The following AOPEP variants were observed in gnomAD, a reference collection of about 807,000 sequenced individuals.
AOPEP encodes aminopeptidase O.
In AOPEP, 77 loss-of-function variants were observed where a neutral mutation model predicts 98.1. The ratio of observed to expected loss-of-function variants is 0.78; its 90% CI spans 0.65 to 0.95. AOPEP has a LOEUF of 0.95. AOPEP is among the 40% of genes least tolerant of loss of function. The pLI, the probability that AOPEP is intolerant of heterozygous loss-of-function variation, is 0.00. For missense variants in AOPEP, 1,024 were observed against 1,024.7 expected (o/e 1.00, Z 0.01); for synonymous variants, 346 against 365.3 (o/e 0.95, Z 0.60).
rs76914857 is a variant in AOPEP at position 94,999,561 on chromosome 9, A to G, written c.1978-5597A>G. ...CTCTAAATCCATCCTTCCGGTAAAC[A>G]TTGTGATGGATTTTATGGGGCTGTT... On this transcript the variant is annotated intron_variant, in intron 11 of 16. Coordinates refer to ENST00000375315, the MANE Select transcript of AOPEP (RefSeq NM_001193329.3). Among the ~76,000 whole-genome samples the G allele has an allele frequency of 6.9e-3, 1,050 of 152,280 alleles. 14 individuals carry two copies. Among genetic ancestry groups the G allele is most frequent in the African/African-American group, 0.024 (1,013 of 41,544 alleles).
chr9:94,770,631 G>A (rs1840653572), intron 2 of AOPEP, among the ~76,000 whole-genome samples: 1 of 152,200 alleles, frequency 6.6e-6, no homozygotes. Flanking sequence ...TCATGGCCCA[G>A]AGTAAATGAT....
chr9:94,820,001 A>G lies in AOPEP; in HGVS notation c.1364+18999A>G, dbSNP rs545418408. ...CGCTTTGTCACCCAGGCTGGAGCAC[A>G]GTGGCGCAATCTCGGCTCACTGCAA... On this transcript the variant is annotated intron_variant, in intron 5 of 16. Transcript: ENST00000375315. Among the ~76,000 whole-genome samples, 67 of 142,814 alleles carry G rather than the reference A, an allele frequency of 4.7e-4. No homozygotes were observed. The South Asian group carries it at 7.1e-3, about 15-fold the overall frequency. The allele number at this position is 142,814 out of a possible 152,430, so 93.7% of individuals were successfully genotyped here. A position where few individuals can be genotyped will look rare whatever the true frequency, so the allele number is the denominator to read the frequency against.
chr9:94,853,228 C>T (rs1235357121), intron 5 of AOPEP, among the ~76,000 whole-genome samples: 1 of 152,106 alleles, frequency 6.6e-6, no homozygotes, highest in Non-Finnish European at 1.5e-5. Context: ...GGGAGGCCGA[C>T]GTGGGCAGAT....
At chr9:94,758,240 C>T (rs1178456572) in intron 1 of AOPEP, among the ~76,000 whole-genome samples, 1 of 152,166 alleles carries the variant, frequency 6.6e-6, no homozygotes, top group African/African-American at 2.4e-5. Flanking sequence ...GCACTGAGGC[C>T]TAGAGTCAAG....
chr9:95,147,014 T>C, the AOPEP span, among the ~76,000 whole-genome samples: 1 of 150,668 alleles, frequency 6.6e-6, no homozygotes, highest in Non-Finnish European at 1.5e-5. Context: ...ATAATTTTAT[T>C]AGATATATAT....
chr9:94,746,697 C>T (rs1834556977), intron 1 of AOPEP, among the ~76,000 whole-genome samples: 1 of 152,140 alleles, frequency 6.6e-6, no homozygotes, highest in African/African-American at 2.4e-5. Context: ...CATTAGGCAC[C>T]AAAGAGGAAT....
chr9:95,106,985 G>A, the AOPEP span: 3 of 1,376,858 alleles, frequency 2.2e-6, no homozygotes, highest in East Asian at 2.4e-5. Flanking sequence ...ACTGTGCAGA[G>A]GCCAGACCCT....
At chr9:95,101,703 C>G in the AOPEP span, 1 of 1,613,796 alleles carries the variant, frequency 6.2e-7, no homozygotes, top group South Asian at 1.1e-5. Flanking sequence ...GGCCTGCGTG[C>G]CTTCTAGACT....
At chr9:94,842,445 G>C (rs906123073) in intron 5 of AOPEP, among the ~76,000 whole-genome samples, 1 of 152,152 alleles carries the variant, frequency 6.6e-6, no homozygotes, top group Admixed American at 6.5e-5. Flanking sequence ...GCTGTTATTG[G>C]ATGGAGTTGT....
chr9:95,103,214 G>A, the AOPEP span, among the ~76,000 whole-genome samples: 1 of 151,978 alleles, frequency 6.6e-6, no homozygotes, highest in African/African-American at 2.4e-5. Flanking sequence ...AGGCCGAGTT[G>A]TCATTACAAA....
At chr9:95,080,548 A>G in intron 14 of AOPEP, 146 bp from the exon 15 acceptor site, 1 of 616,490 alleles carries the variant, frequency 1.6e-6, no homozygotes, top group Non-Finnish European at 2.9e-6. Context: ...AATATACTAA[A>G]AGAAAATGTA....
intron 5 of AOPEP, among the ~76,000 whole-genome samples, chr9:94,885,087 G>A (rs914820025): frequency 1.3e-5 from 2 of 151,148 alleles, no homozygotes; most frequent in African/African-American, 4.9e-5. Flanking sequence ...AGTGGCTCAC[G>A]CCTGTAATCC....
At chr9:94,907,196 T>G (rs149877774) in intron 5 of AOPEP, among the ~76,000 whole-genome samples, 1 of 152,338 alleles carries the variant, frequency 6.6e-6, no homozygotes, top group Non-Finnish European at 1.5e-5. Flanking sequence ...TACAGTCTTA[T>G]GAGTGACATC....
chr9:95,114,925 G>T, the AOPEP span, among the ~76,000 whole-genome samples: 2 of 152,132 alleles, frequency 1.3e-5, no homozygotes, highest in African/African-American at 4.8e-5. Context: ...GAACATCAAA[G>T]AATCTAATCT....
the AOPEP span, among the ~76,000 whole-genome samples, chr9:95,113,344 A>AT: frequency 2.0e-5 from 3 of 152,226 alleles, no homozygotes; most frequent in Non-Finnish European, 4.4e-5. Context: ...AAAGGAACAA[A>AT]TAAGATAGTC....
chr9:94,857,883 T>G (rs975507740), intron 5 of AOPEP, among the ~76,000 whole-genome samples: 17 of 152,196 alleles, frequency 1.1e-4, no homozygotes, highest in African/African-American at 3.4e-4. Context: ...AAGACATCAT[T>G]TACGTTGGTT....
At chr9:95,045,550 G>A (rs1269882196) in intron 13 of AOPEP, among the ~76,000 whole-genome samples, 3 of 152,230 alleles carry the variant, frequency 2.0e-5, no homozygotes, top group African/African-American at 7.2e-5. Flanking sequence ...GATGCTGGTG[G>A]CTGGGTCCTC....
At chr9:95,025,437 A>G (rs1222548923) in intron 13 of AOPEP, among the ~76,000 whole-genome samples, 1 of 152,184 alleles carries the variant, frequency 6.6e-6, no homozygotes, top group East Asian at 1.9e-4. Context: ...CAGACAGACA[A>G]GAGTTGTTGA....
At chr9:95,080,025 G>C (rs1333351718) in intron 14 of AOPEP, among the ~76,000 whole-genome samples, 1 of 152,194 alleles carries the variant, frequency 6.6e-6, no homozygotes. Flanking sequence ...AAGGAGTGGT[G>C]ATTTGAAAGG....
Sources: allele counts gnomAD v4.1 joint callset (sites outside exome capture counted in the v4.1 genomes callset), GRCh38; gene constraint gnomAD v4.1.1; transcripts MANE v1.5; gene names NCBI Gene and HGNC (gene_info 2026-07-23, HGNC 2026-07-21).